PARG: variants seen among roughly 807,000 people sequenced by gnomAD.
The protein encoded by PARG is mitochondrial poly(ADP-ribose) glycohydrolase.
A neutral mutation model predicts 113.0 loss-of-function variants in PARG; 35 were observed. That is an observed-to-expected ratio of 0.31 (90% CI 0.24 to 0.41). PARG has a LOEUF of 0.41. PARG is among the 10% of genes least tolerant of loss of function. The pLI, the probability that PARG is intolerant of heterozygous loss-of-function variation, is 1.00. For missense variants in PARG, 797 were observed against 1,169.4 expected (o/e 0.68, Z 4.64); for synonymous variants, 330 against 409.9 (o/e 0.81, Z 2.36).
At chr10:49,838,111 T>C (rs782106044) in intron 15 of PARG, among the ~76,000 whole-genome samples, 2 of 152,124 alleles carry the variant, frequency 1.3e-5, no homozygotes, top group Non-Finnish European at 2.9e-5. Context: ...GTTATAGTAG[T>C]CTCTATGTGC....
intron 15 of PARG, among the ~76,000 whole-genome samples, chr10:49,838,187 T>C (rs782673912): frequency 1.3e-5 from 2 of 152,080 alleles, no homozygotes; most frequent in East Asian, 1.9e-4. Flanking sequence ...TCCCGGCACT[T>C]TGGGAGGCCG....
intron 4 of PARG, among the ~76,000 whole-genome samples, chr10:49,928,719 AGT>A (rs1337029146): frequency 2.0e-5 from 3 of 152,148 alleles, no homozygotes; most frequent in African/African-American, 7.2e-5. Flanking sequence ...TGCCCAGGCT[AGT>A]CTTGAACTCC....
At chr10:49,847,295 C>T (rs1203781597) in intron 13 of PARG, among the ~76,000 whole-genome samples, 6 of 151,976 alleles carry the variant, frequency 3.9e-5, no homozygotes, top group African/African-American at 1.2e-4. Context: ...AAATATATAG[C>T]GATACATTAA....
At chr10:49,938,720 T>C (rs1426617255) in intron 1 of PARG, among the ~76,000 whole-genome samples, 1 of 152,062 alleles carries the variant, frequency 6.6e-6, no homozygotes, top group East Asian at 1.9e-4. Context: ...TACAGGTGCA[T>C]GCCCAGCAAA....
intron 7 of PARG, among the ~76,000 whole-genome samples, chr10:49,914,335 TTCA>T (rs1837350225): frequency 6.6e-6 from 1 of 152,218 alleles, no homozygotes; most frequent in African/African-American, 2.4e-5. Flanking sequence ...TGATCTACTT[TTCA>T]TCATATCAGA....
At chr10:49,911,668 T>A (rs1837191771) in intron 7 of PARG, among the ~76,000 whole-genome samples, 1 of 152,228 alleles carries the variant, frequency 6.6e-6, no homozygotes, top group South Asian at 2.1e-4. Flanking sequence ...AATAAAAGCT[T>A]AGGTAATACT....
intron 7 of PARG, among the ~76,000 whole-genome samples, chr10:49,888,993 T>C (rs1267760974): frequency 1.3e-5 from 2 of 152,068 alleles, no homozygotes; most frequent in African/African-American, 4.8e-5. Flanking sequence ...AACCTGTCTA[T>C]TCCATTTTAA....
In PARG at chr10:49,932,740, C is replaced by T. The variant is rs1211946813; in HGVS notation, c.1271+437G>A. Among the ~76,000 whole-genome samples the T allele has an allele frequency of 3.9e-5, 6 of 151,972 alleles. No homozygotes were observed. The South Asian group carries it at 1.2e-3, about 31-fold the overall frequency. On this transcript the variant is annotated intron_variant, in intron 3 of 17. Transcript: ENST00000616448. ...ATTACCACTCAGAAGGTACATGATT[C>T]CAGTGAATTCTCTTACCCAAATCTC...
intron 15 of PARG, among the ~76,000 whole-genome samples, chr10:49,840,028 C>T (rs1250763866): frequency 2.6e-5 from 4 of 152,172 alleles, no homozygotes; most frequent in Non-Finnish European, 4.4e-5. Context: ...GGGACAATTG[C>T]TTTAAGGCAA....
intron 7 of PARG, among the ~76,000 whole-genome samples, chr10:49,893,840 C>T (rs1316453196): frequency 4.6e-5 from 7 of 151,828 alleles, no homozygotes; most frequent in Non-Finnish European, 8.8e-5. Flanking sequence ...ACTACAGGCA[C>T]CCGCCACCAC....
intron 7 of PARG, among the ~76,000 whole-genome samples, chr10:49,913,974 C>T (rs1483576282): frequency 9.9e-5 from 15 of 152,076 alleles, no homozygotes; most frequent in African/African-American, 3.4e-4. Context: ...AACTGTAAAA[C>T]CATCATCAGC....
chr10:49,836,124 C>A (rs1237793353), intron 15 of PARG, among the ~76,000 whole-genome samples: 2 of 152,134 alleles, frequency 1.3e-5, no homozygotes, highest in Admixed American at 6.5e-5. Flanking sequence ...CATGATTTTA[C>A]TTAAAAGATG....
intron 7 of PARG, among the ~76,000 whole-genome samples, chr10:49,908,876 G>C (rs1345532428): frequency 1.1e-4 from 16 of 152,118 alleles, no homozygotes; most frequent in African/African-American, 3.9e-4. Flanking sequence ...TAAAACAGCA[G>C]TTATAACAAT....
intron 12 of PARG, among the ~76,000 whole-genome samples, chr10:49,859,402 T>G (rs202208667): frequency 0.16 from 23,325 of 144,512 alleles, 837 homozygotes; most frequent in Non-Finnish European, 0.23. Context: ...AAAGTAAAAA[T>G]GCTGGTTAGG....
chr10:49,927,349 GGAAAGAAA>G (rs1206644152), intron 4 of PARG, among the ~76,000 whole-genome samples: 3 of 109,496 alleles, frequency 2.7e-5, no homozygotes, highest in African/African-American at 1.1e-4. Context: ...AAGGAAGGAA[GGAAAGAAA>G]GAAGGAAAGA....
At chr10:49,940,734 G>A (rs1434175830) in intron 1 of PARG, among the ~76,000 whole-genome samples, 4 of 152,054 alleles carry the variant, frequency 2.6e-5, no homozygotes, top group African/African-American at 9.7e-5. Flanking sequence ...CACCATATTG[G>A]TAAGGCTGGT....
At chr10:49,911,180 G>A (rs1339903120) in intron 7 of PARG, among the ~76,000 whole-genome samples, 2 of 151,958 alleles carry the variant, frequency 1.3e-5, no homozygotes, top group Admixed American at 6.6e-5. Context: ...CTACTCAGGA[G>A]GCTGAGGCGG....
At chr10:49,861,166 G>C (rs1338582750) in intron 12 of PARG, among the ~76,000 whole-genome samples, 2 of 152,108 alleles carry the variant, frequency 1.3e-5, no homozygotes, top group Non-Finnish European at 2.9e-5. Flanking sequence ...CAAAGCTGTT[G>C]GTGGCAGAAA....
chr10:49,859,109 G>A, intron 12 of PARG, among the ~76,000 whole-genome samples: 1 of 144,848 alleles, frequency 6.9e-6, no homozygotes, highest in East Asian at 2.0e-4. Flanking sequence ...TGTGGCAGCT[G>A]ACATGCAGGC....
Sources: gnomAD v4.1 joint callset for allele counts (sites outside exome capture counted in the v4.1 genomes callset) on GRCh38, gnomAD v4.1.1 for gene constraint, MANE v1.5 for transcripts, NCBI Gene and HGNC (gene_info 2026-07-23, HGNC 2026-07-21) for gene names.